The following NXPH1 variants were observed in gnomAD, a reference collection of about 807,000 sequenced individuals.
NXPH1 encodes neurexophilin 1.
A neutral mutation model predicts 23.7 loss-of-function variants in NXPH1; 5 were observed. That is an observed-to-expected ratio of 0.21 (90% CI 0.11 to 0.44). The LOEUF (loss-of-function observed/expected upper bound fraction) is 0.44. NXPH1 is among the 20% of genes least tolerant of loss of function. The pLI is 0.99. For synonymous variants in NXPH1, 144 were observed against 122.2 expected (o/e 1.18, Z -1.18); for missense variants, 324 against 321.6 (o/e 1.01, Z -0.06).
intron 2 of NXPH1, among the ~76,000 whole-genome samples, chr7:8,574,848 AAC>A (rs1233356595): frequency 6.6e-6 from 1 of 152,176 alleles, no homozygotes; most frequent in Non-Finnish European, 1.5e-5. Flanking sequence ...TGAATCAGAA[AAC>A]TGAGCATTAA....
At chr7:8,585,508 G>T (rs1584250494) in intron 2 of NXPH1, among the ~76,000 whole-genome samples, 1 of 152,168 alleles carries the variant, frequency 6.6e-6, no homozygotes. Context: ...AAGAGCCAGG[G>T]TTGGTAGAAA....
At chr7:8,707,864 C>T (rs562882279) in intron 2 of NXPH1, among the ~76,000 whole-genome samples, 1 of 152,160 alleles carries the variant, frequency 6.6e-6, no homozygotes, top group Non-Finnish European at 1.5e-5. Context: ...ATTATTGGAA[C>T]AATTAACTTT....
intron 2 of NXPH1, among the ~76,000 whole-genome samples, chr7:8,441,274 A>C (rs139261246): frequency 1.2e-4 from 18 of 152,068 alleles, no homozygotes; most frequent in African/African-American, 4.3e-4. Context: ...TCTCTTAGCC[A>C]CTATTTGCCT....
intron 2 of NXPH1, among the ~76,000 whole-genome samples, chr7:8,624,176 C>A (rs1158994220): frequency 6.6e-6 from 1 of 152,072 alleles, no homozygotes; most frequent in Non-Finnish European, 1.5e-5. Flanking sequence ...ATCAGAGGAG[C>A]CTCTTAGGTA....
In NXPH1 at chr7:8,481,864, C is replaced by T. The variant is rs374489581; in HGVS notation, c.54+46097C>T. On this transcript the variant is annotated intron_variant, in intron 2 of 2. Transcript: ENST00000405863. The stretch of plus-strand genomic sequence containing the variant: ...CTGTAGTCCCCAGTGTCTATTGTTA[C>T]CATCCAAATGACTTCTGAGCCCTCT... 5.9e-5 allele frequency among the ~76,000 whole-genome samples: 9 copies of T among 152,148 alleles called. No individual in the cohort carries two copies. In the East Asian group the frequency reaches 1.2e-3, roughly 20 times the overall value.
At chr7:8,616,853 T>TAAA (rs138078881) in intron 2 of NXPH1, among the ~76,000 whole-genome samples, 21 of 141,742 alleles carry the variant, frequency 1.5e-4, no homozygotes, top group African/African-American at 4.8e-4. Flanking sequence ...AAGTTTATGT[T>TAAA]AAAAAAAAAA....
At chr7:8,706,073 T>G (rs1562460246) in intron 2 of NXPH1, among the ~76,000 whole-genome samples, 2 of 152,180 alleles carry the variant, frequency 1.3e-5, no homozygotes, top group Non-Finnish European at 2.9e-5. Context: ...CTTGTGGAAC[T>G]TCTTAAAAAC....
intron 2 of NXPH1, among the ~76,000 whole-genome samples, chr7:8,723,869 A>T (rs1320150799): frequency 6.6e-6 from 1 of 152,216 alleles, no homozygotes; most frequent in Non-Finnish European, 1.5e-5. Context: ...AGAGCACATG[A>T]AAAAGTCTGA....
At chr7:8,612,975 G>C (rs1474613126) in intron 2 of NXPH1, among the ~76,000 whole-genome samples, 1 of 152,066 alleles carries the variant, frequency 6.6e-6, no homozygotes, top group African/African-American at 2.4e-5. Context: ...AGGGAATGCA[G>C]ACTAACTTTC....
intron 2 of NXPH1, among the ~76,000 whole-genome samples, chr7:8,486,324 A>G (rs989803831): frequency 6.6e-6 from 1 of 152,190 alleles, no homozygotes; most frequent in Non-Finnish European, 1.5e-5. Context: ...GGATAAAGCT[A>G]GGAAGCAAGG....
In NXPH1 at chr7:8,636,230, A is replaced by G. The variant is rs938277416; in HGVS notation, c.55-114778A>G. On this transcript the variant is annotated intron_variant, in intron 2 of 2. Coordinates refer to ENST00000405863, the MANE Select transcript of NXPH1 (RefSeq NM_152745.3). ...ACAGCCCTCTGGGATATTTGAGTAA[A>G]TGTAAGTGAAAGTTCCCTGTGTTTG... Among the ~76,000 whole-genome samples, 8 of 152,310 alleles carry G rather than the reference A, an allele frequency of 5.3e-5. No individual in the cohort carries two copies. In the East Asian group the frequency reaches 1.5e-3, roughly 29 times the overall value.
intron 2 of NXPH1, among the ~76,000 whole-genome samples, chr7:8,453,489 A>G (rs1448662081): frequency 1.3e-5 from 2 of 152,148 alleles, no homozygotes; most frequent in African/African-American, 2.4e-5. Flanking sequence ...TAAACTTAGT[A>G]TATGAACAAA....
intron 2 of NXPH1, among the ~76,000 whole-genome samples, chr7:8,615,572 C>T (rs924873608): frequency 1.3e-5 from 2 of 152,016 alleles, no homozygotes; most frequent in African/African-American, 4.8e-5. Flanking sequence ...ATTATTGCCT[C>T]ATTTTGGAAC....
intron 2 of NXPH1, among the ~76,000 whole-genome samples, chr7:8,497,875 C>T (rs892652741): frequency 2.6e-5 from 4 of 151,990 alleles, no homozygotes; most frequent in Non-Finnish European, 2.9e-5. Flanking sequence ...TAATTAGATC[C>T]CATTTGTCAA....
chr7:8,511,478 T>C lies in NXPH1; in HGVS notation c.54+75711T>C, dbSNP rs747140631. Among the ~76,000 whole-genome samples the C allele has an allele frequency of 7.8e-4, 118 of 152,218 alleles. 1 individual carries two copies. The highest frequency in any genetic ancestry group is 1.3e-3 in the Non-Finnish European group (89 of 67,968). ...GGCACCCTGCTCCCTCTCTCAGATGTGAGGCTGGTGTGTACAGTATAGACT... is the reference window on the plus strand; with the variant it reads ...GGCACCCTGCTCCCTCTCTCAGATGCGAGGCTGGTGTGTACAGTATAGACT... On this transcript the variant is annotated intron_variant, in intron 2 of 2. Transcript: ENST00000405863.
At chr7:8,531,868 TTC>T (rs1401837336) in intron 2 of NXPH1, among the ~76,000 whole-genome samples, 2 of 152,204 alleles carry the variant, frequency 1.3e-5, no homozygotes, top group African/African-American at 4.8e-5. Context: ...AGCAGTATTT[TTC>T]TGTGTCTCAT....
At chr7:8,550,005 T>G (rs1471907015) in intron 2 of NXPH1, among the ~76,000 whole-genome samples, 1 of 151,620 alleles carries the variant, frequency 6.6e-6, no homozygotes, top group African/African-American at 2.4e-5. Flanking sequence ...TGGTGATATA[T>G]ATGTCTTATT....
chr7:8,593,576 G>A (rs1021269507), intron 2 of NXPH1, among the ~76,000 whole-genome samples: 1 of 152,042 alleles, frequency 6.6e-6, no homozygotes, highest in African/African-American at 2.4e-5. Flanking sequence ...GTCAATTAAA[G>A]GTGAATGTAA....
chr7:8,464,131 C>A (rs1003842169), intron 2 of NXPH1, among the ~76,000 whole-genome samples: 1 of 152,066 alleles, frequency 6.6e-6, no homozygotes, highest in Non-Finnish European at 1.5e-5. Context: ...TCTTCCTTCT[C>A]CCCCATATCT....
Sources: gnomAD v4.1 joint callset for allele counts (sites outside exome capture counted in the v4.1 genomes callset) on GRCh38, gnomAD v4.1.1 for gene constraint, MANE v1.5 for transcripts, NCBI Gene and HGNC (gene_info 2026-07-23, HGNC 2026-07-21) for gene names.